The following MYOCOS variants were observed in gnomAD, a reference collection of about 807,000 sequenced individuals.
MYOCOS encodes myocilin opposite strand.
intron 1 of MYOCOS, among the ~76,000 whole-genome samples, chr1:171,605,838 AATT>A (rs1417807501): frequency 6.6e-6 from 1 of 152,166 alleles, no homozygotes; most frequent in Non-Finnish European, 1.5e-5. Context: ...CTGTTTTAAA[AATT>A]ATTACTAATA....
Position 171,615,787 on chromosome 1 carries a change from T to G in MYOCOS, c.-44+782T>G, listed in dbSNP as rs1312984323. Among the ~76,000 whole-genome samples the G allele has an allele frequency of 3.3e-5, 5 of 152,362 alleles. No homozygotes were observed. In the East Asian group the frequency reaches 9.6e-4, roughly 29 times the overall value. ...GAGCCCTTAAAAGGGACAGAAGTTGTGCATTCGGGGAGCTCGGATTTTAAG... is the reference window on the plus strand; with the variant it reads ...GAGCCCTTAAAAGGGACAGAAGTTGGGCATTCGGGGAGCTCGGATTTTAAG... On this transcript the variant is annotated intron_variant, in intron 2 of 3. Transcript: ENST00000636697.
upstream of MYOCOS, among the ~76,000 whole-genome samples, chr1:171,620,852 C>T (rs899894704): frequency 8.8e-5 from 13 of 148,162 alleles, no homozygotes; most frequent in Admixed American, 9.0e-4. Flanking sequence ...TCACTGCAAC[C>T]TCTGACTCCC....
chr1:171,602,678 G>A (rs987171054), intron 1 of MYOCOS, among the ~76,000 whole-genome samples: 1 of 152,080 alleles, frequency 6.6e-6, no homozygotes, highest in Non-Finnish European at 1.5e-5. Context: ...TTAAAATTAA[G>A]TTTAACATTA....
At chr1:171,601,121 C>G (rs1432209499) in intron 1 of MYOCOS, 1 of 152,336 alleles carries the variant, frequency 6.6e-6, no homozygotes, top group African/African-American at 2.4e-5. Flanking sequence ...CAGAGCAGTG[C>G]GTAGCAGGCC....
At chr1:171,614,937 A>G (rs1652421179) in exon 2 of MYOCOS, 1 of 152,242 alleles carries the variant, frequency 6.6e-6, no homozygotes, top group African/African-American at 2.4e-5. Flanking sequence ...CCTGACCTGA[A>G]GGGAGAATAT....
chr1:171,606,927 ACT>A (rs2102932740), intron 1 of MYOCOS, among the ~76,000 whole-genome samples: 1 of 151,984 alleles, frequency 6.6e-6, no homozygotes, highest in African/African-American at 2.4e-5. Context: ...CCCCATCTCT[ACT>A]AAAAATACAA....
intron 1 of MYOCOS, among the ~76,000 whole-genome samples, chr1:171,612,145 C>T (rs1027639119): frequency 6.3e-4 from 96 of 152,064 alleles, no homozygotes; most frequent in African/African-American, 2.1e-3. Context: ...GGTGCAATCT[C>T]GGCTCACTGC....
intron 2 of MYOCOS, among the ~76,000 whole-genome samples, chr1:171,617,009 A>G (rs1652462950): frequency 6.6e-6 from 1 of 152,218 alleles, no homozygotes; most frequent in Non-Finnish European, 1.5e-5. Context: ...TTTTGCAGAC[A>G]GACAGCAGGA....
intron 1 of MYOCOS, among the ~76,000 whole-genome samples, chr1:171,610,033 A>T (rs1652327858): frequency 6.6e-6 from 1 of 152,226 alleles, no homozygotes; most frequent in Admixed American, 6.5e-5. Flanking sequence ...GCCTCACGTT[A>T]TGACATCTGG....
chr1:171,615,835 A>G (rs1359606157), intron 2 of MYOCOS, among the ~76,000 whole-genome samples: 1 of 152,220 alleles, frequency 6.6e-6, no homozygotes, highest in Non-Finnish European at 1.5e-5. Context: ...CGATGCTCCC[A>G]GCTGAATAAA....
intron 1 of MYOCOS, among the ~76,000 whole-genome samples, chr1:171,609,482 A>G (rs549878522): frequency 6.6e-6 from 1 of 152,266 alleles, no homozygotes; most frequent in South Asian, 2.1e-4. Context: ...ACCTCTAAAC[A>G]TCCAGGTCTC....
chr1:171,625,076 C>G (rs894045662), intron 2 of MYOCOS, among the ~76,000 whole-genome samples: 3 of 152,124 alleles, frequency 2.0e-5, no homozygotes, highest in African/African-American at 7.2e-5. Context: ...AAGATTCCAG[C>G]AAATTGATAG....
chr1:171,618,714 T>G (rs1024176259), upstream of MYOCOS, among the ~76,000 whole-genome samples: 1 of 152,032 alleles, frequency 6.6e-6, no homozygotes, highest in Admixed American at 6.6e-5. Flanking sequence ...TAGCTGGGAT[T>G]ACAGGTGTGG....
chr1:171,615,199 A>G (rs887077483), intron 2 of MYOCOS, among the ~76,000 whole-genome samples: 38 of 152,220 alleles, frequency 2.5e-4, no homozygotes, highest in African/African-American at 8.4e-4. Context: ...AGATAGATTG[A>G]AAGAGTGACC....
At chr1:171,604,609 GAAGA>G (rs1419583072) in intron 1 of MYOCOS, among the ~76,000 whole-genome samples, 1 of 152,148 alleles carries the variant, frequency 6.6e-6, no homozygotes, top group African/African-American at 2.4e-5. Context: ...AGCTAGAACA[GAAGA>G]AAGAAAGGTC....
chr1:171,601,290 TG>T (rs1349346795), intron 1 of MYOCOS, among the ~76,000 whole-genome samples: 1 of 152,238 alleles, frequency 6.6e-6, no homozygotes, highest in Admixed American at 6.5e-5. Context: ...TTGGCACTTT[TG>T]TTCTGGTTTT....
intron 1 of MYOCOS, among the ~76,000 whole-genome samples, chr1:171,609,144 A>C (rs975773254): frequency 6.6e-6 from 1 of 152,186 alleles, no homozygotes; most frequent in African/African-American, 2.4e-5. Flanking sequence ...TTGATGGCTT[A>C]CACAGGCCCT....
intron 1 of MYOCOS, among the ~76,000 whole-genome samples, chr1:171,604,621 G>T (rs1652209377): frequency 6.6e-6 from 1 of 152,076 alleles, no homozygotes; most frequent in Non-Finnish European, 1.5e-5. Flanking sequence ...AGAAAGAAAG[G>T]TCCCCAAAAA....
chr1:171,610,488 G>T (rs183533), intron 1 of MYOCOS, among the ~76,000 whole-genome samples: 23,128 of 152,212 alleles, frequency 0.15, 1,841 homozygotes, highest in Middle Eastern at 0.29. Context: ...AGGCTGGGAA[G>T]TCCAGGAGCA....
Sources: allele counts gnomAD v4.1 joint callset (sites outside exome capture counted in the v4.1 genomes callset), GRCh38; gene constraint gnomAD v4.1.1; transcripts MANE v1.5; gene names NCBI Gene and HGNC (gene_info 2026-07-23, HGNC 2026-07-21).